AK1: variants seen among roughly 807,000 people sequenced by gnomAD.
AK1 encodes the protein adenylate kinase 1, also known as adenylate kinase isoenzyme 1.
AK1 carries 13 observed loss-of-function variants against 23.9 expected under a neutral mutation model. The observed-to-expected ratio is 0.54, with a 90% CI of 0.35 to 0.86. The LOEUF is 0.86. Among genes scored for constraint, AK1 ranks in the 40% least tolerant of loss-of-function variants. The pLI is 0.01. For missense variants in AK1, 214 were observed against 255.1 expected (o/e 0.84, Z 1.10); for synonymous variants, 97 against 102.8 (o/e 0.94, Z 0.34).
intron 2 of AK1, chr9:127,874,175 C>G: frequency 1.0e-6 from 1 of 985,376 alleles, no homozygotes; most frequent in Non-Finnish European, 1.2e-6. Context: ...TCTGCCTGCC[C>G]GTGTCTCCCT....
At chr9:127,875,062 G>A (rs1829506674) in intron 1 of AK1, 1 of 247,006 alleles carries the variant, frequency 4.0e-6, no homozygotes, top group Admixed American at 4.7e-5. Flanking sequence ...ACGCTCCCCA[G>A]GGCCAGAGGG....
upstream of AK1, among the ~76,000 whole-genome samples, chr9:127,878,763 C>A (rs936144147): frequency 2.0e-5 from 3 of 152,166 alleles, no homozygotes; most frequent in Non-Finnish European, 4.4e-5. Flanking sequence ...CCTGTGATGT[C>A]AGATAAGTCC....
intron 5 of AK1, among the ~76,000 whole-genome samples, chr9:127,870,288 G>A (rs546882091): frequency 2.0e-4 from 28 of 143,226 alleles, no homozygotes; most frequent in South Asian, 6.9e-4. Flanking sequence ...TGCAACCTCC[G>A]TCCAGCCAGG....
chr9:127,877,771 G>GGGAGAGCGGACC (rs2131419315), upstream of AK1: 2 of 152,442 alleles, frequency 1.3e-5, no homozygotes, highest in East Asian at 3.9e-4. The surrounding 1 kb of genome is among the most constrained non-coding windows in gnomAD (Gnocchi z 5.2). Context: ...GAAGGAGGGA[G>GGGAGAGCGGACC]GGAGAGCGGA....
Position 127,871,179 on chromosome 9 carries a change from T to G in AK1, c.324+644A>C, listed in dbSNP as rs1438242387. Among the ~76,000 whole-genome samples, 1 of 151,542 alleles carries G rather than the reference T, an allele frequency of 6.6e-6. No individual in the cohort carries two copies. Among genetic ancestry groups the G allele is most frequent in the African/African-American group, 2.4e-5 (1 of 40,884 alleles). ...CGTCCACGTGTGTGCGTGTGTGGGG[T>G]GCCCCATCCTGGGGAAGGTGTATCT... On this transcript the variant is annotated intron_variant, in intron 5 of 6. Coordinates refer to ENST00000644144, the MANE Select transcript of AK1 (RefSeq NM_000476.3). The surrounding 1 kb of genome is among the most constrained non-coding windows in gnomAD (Gnocchi z 4.4).
At chr9:127,872,578 CG>C in intron 4 of AK1, 111 bp downstream of exon 4, 4 of 1,427,220 alleles carry the variant, frequency 2.8e-6, no homozygotes, top group Non-Finnish European at 2.9e-6. Context: ...GGTTTGGAGC[CG>C]GGGGCGGTTA....
chr9:127,870,770 T>C (rs1327907776), intron 5 of AK1, among the ~76,000 whole-genome samples: 1 of 151,530 alleles, frequency 6.6e-6, no homozygotes, highest in Admixed American at 6.6e-5. Context: ...CAGATGAGGC[T>C]GGAAGCTACG....
Position 127,868,798 on chromosome 9 carries a change from A to G in AK1, c.325-286T>C, listed in dbSNP as rs546137958. Among the ~76,000 whole-genome samples, 2 of 152,084 alleles carry G rather than the reference A, an allele frequency of 1.3e-5. No individual in the cohort carries two copies. The highest frequency in any genetic ancestry group is 6.5e-5 in the Admixed American group (1 of 15,278). ...TCTCATCAACCTCCTTCCATGCCAG[A>G]CCTGTGCTCATGCTGTTCCCTCTGC... is the stretch of plus-strand genomic sequence containing the variant. On this transcript the variant is annotated intron_variant, in intron 5 of 6. Coordinates refer to ENST00000644144, the MANE Select transcript of AK1 (RefSeq NM_000476.3). This position sits in a 1 kb window ranked among gnomAD's most constrained non-coding sequence, Gnocchi z 4.1.
rs116301334 is a variant in AK1, at chr9:127,873,437, G to A, written c.8-376C>T. On this transcript the variant is annotated intron_variant, in intron 2 of 6. Coordinates refer to ENST00000644144, the MANE Select transcript of AK1 (RefSeq NM_000476.3). ...CTTCTCTGCGGGGGTCACTCGAGGA[G>A]CAGCAGCCCATGGTCCCGTCCTGCC... 4,571 of 1,552,620 alleles carry A rather than the reference G, an allele frequency of 2.9e-3. 38 individuals are homozygous for A. The highest frequency in any genetic ancestry group is 0.017 in the African/African-American group (1,240 of 73,220).
intron 2 of AK1, chr9:127,873,331 C>A: frequency 6.5e-7 from 1 of 1,541,128 alleles, no homozygotes; most frequent in South Asian, 1.2e-5. Flanking sequence ...ACACAGCCAG[C>A]GGGCTGGGCC....
At chr9:127,870,111 C>T (rs956675661) in intron 5 of AK1, among the ~76,000 whole-genome samples, 3 of 152,164 alleles carry the variant, frequency 2.0e-5, no homozygotes, top group East Asian at 3.8e-4. Context: ...GACCAGCTGC[C>T]CGGACACCTG....
chr9:127,872,549 C>T, intron 4 of AK1, 141 bp downstream of exon 4: 1 of 1,134,558 alleles, frequency 8.8e-7, no homozygotes, highest in Non-Finnish European at 1.3e-6. Context: ...CTGTCCAGGG[C>T]AATGGGGAAC....
At chr9:127,874,193 C>G in intron 2 of AK1, 1 of 985,438 alleles carries the variant, frequency 1.0e-6, no homozygotes, top group Non-Finnish European at 1.2e-6. Flanking sequence ...CCTCTAAGTC[C>G]CAGCCCATAG....
chr9:127,878,124 T>A (rs1005930441), upstream of AK1, among the ~76,000 whole-genome samples: 7 of 151,994 alleles, frequency 4.6e-5, no homozygotes, highest in African/African-American at 7.3e-5. Context: ...CTGGCCACAG[T>A]CCCCAAGCCC....
chr9:127,873,915 A>AG, intron 2 of AK1: 1 of 985,344 alleles, frequency 1.0e-6, no homozygotes, highest in Non-Finnish European at 1.2e-6. Context: ...GGCGGCTCCC[A>AG]GGGGCCCTCC....
intron 5 of AK1, among the ~76,000 whole-genome samples, chr9:127,870,171 C>T (rs530844938): frequency 1.7e-4 from 25 of 151,214 alleles, no homozygotes; most frequent in Middle Eastern, 3.4e-3. Context: ...CCCTCAGCGG[C>T]ACCTACAACA....
At position 127,868,170 on chromosome 9, in the gene AK1, G is replaced by A. The variant is rs909126681; in HGVS notation, c.517-94C>T. ...CCAGAGACCAGGCCTGCCTCCCCGA[G>A]CCCAACCTAATTGACAGCAGCCCCT... is the stretch of plus-strand genomic sequence containing the variant. On this transcript the variant is annotated intron_variant, in intron 6 of 6. Transcript: ENST00000644144. This position sits in a 1 kb window ranked among gnomAD's most constrained non-coding sequence, Gnocchi z 4.1. 1.6e-4 allele frequency: 240 copies of A among 1,509,476 alleles called. No homozygotes were observed. Among genetic ancestry groups the A allele is most frequent in the Non-Finnish European group, 2.1e-4 (228 of 1,092,738 alleles). The allele number at this position is 1,509,476 out of a possible 1,614,324, so 93.5% of individuals were successfully genotyped here.
Position 127,871,050 on chromosome 9 carries a change from C to T in AK1, c.324+773G>A, listed in dbSNP as rs1397332915. On this transcript the variant is annotated intron_variant, in intron 5 of 6. Coordinates refer to ENST00000644144, the MANE Select transcript of AK1 (RefSeq NM_000476.3). This position sits in a 1 kb window ranked among gnomAD's most constrained non-coding sequence, Gnocchi z 4.4. ...ATATGTGTGCTGCGTCCGTGACATG[C>T]ATGTGCAGGAGTGCAGTATCCACTG... Among the ~76,000 whole-genome samples, 1 of 151,870 alleles carries T rather than the reference C, an allele frequency of 6.6e-6. No homozygotes were observed. The highest frequency in any genetic ancestry group is 1.5e-5 in the Non-Finnish European group (1 of 68,050).
In AK1 at chr9:127,877,181, A is replaced by G. The variant is rs575202974; in HGVS notation, c.-33+442T>C. 6.4e-4 allele frequency among the ~76,000 whole-genome samples: 98 copies of G among 152,234 alleles called. 4 individuals carry two copies. The highest frequency in any genetic ancestry group is 5.8e-3 in the Admixed American group (89 of 15,280). ...TCTGAGCATCCAGGGGGTGTTCTCC[A>G]ATGCACCCAGCACTAGAAGTGGAGT... On this transcript the variant is annotated intron_variant, in intron 1 of 6. Transcript: ENST00000644144. The surrounding 1 kb of genome is among the most constrained non-coding windows in gnomAD (Gnocchi z 5.2).
Sources: gnomAD v4.1 joint callset for allele counts (sites outside exome capture counted in the v4.1 genomes callset) on GRCh38, gnomAD v4.1.1 for gene constraint, Gnocchi (gnomAD v3.1) non-coding constraint, MANE v1.5 for transcripts, NCBI Gene and HGNC (gene_info 2026-07-23, HGNC 2026-07-21) for gene names.